IL17RE: variants seen among roughly 807,000 people sequenced by gnomAD.
IL17RE encodes the protein interleukin-17 receptor E.
A neutral mutation model predicts 70.7 loss-of-function variants in IL17RE; 47 were observed. The observed-to-expected ratio is 0.67, with a 90% CI of 0.53 to 0.85. The LOEUF is 0.85. IL17RE is among the 40% of genes least tolerant of loss of function. The pLI is 0.00. For missense variants in IL17RE, 850 were observed against 893.9 expected (o/e 0.95, Z 0.63); for synonymous variants, 372 against 381.2 (o/e 0.98, Z 0.28).
At chr3:9,903,539 G>A (rs1161660612) in intron 2 of IL17RE, 127 bp downstream of exon 2, 1 of 1,023,006 alleles carries the variant, frequency 9.8e-7, no homozygotes, top group Non-Finnish European at 1.5e-6. Flanking sequence ...GAAAAATTTG[G>A]AATCATGACA....
In IL17RE at chr3:9,906,476, A is replaced by G; in HGVS notation, c.366+15A>G. On this transcript the variant is annotated intron_variant, in intron 4 of 15. Coordinates refer to ENST00000383814, the MANE Select transcript of IL17RE (RefSeq NM_153480.2). ...CACCTGCTCAGGTACTCTCCCTGTC[A>G]GTTCCAGCCCTACCTGACGCCCCAC... The G allele has an allele frequency of 6.3e-7, 1 of 1,580,870 alleles. No homozygotes were observed. Among genetic ancestry groups the G allele is most frequent in the Admixed American group, 1.7e-5 (1 of 59,940 alleles).
At chr3:9,903,523 A>T (rs148627252) in intron 2 of IL17RE, 111 bp downstream of exon 2, 3 of 1,204,152 alleles carry the variant, frequency 2.5e-6, no homozygotes, top group African/African-American at 3.0e-5. Context: ...GTAGCACAAT[A>T]TCAAGGAAAA....
intron 3 of IL17RE, among the ~76,000 whole-genome samples, chr3:9,905,745 A>G (rs1394885497): frequency 6.6e-6 from 1 of 151,878 alleles, no homozygotes; most frequent in Admixed American, 6.6e-5. Context: ...GCTTGAAGCC[A>G]GGAGGCGGAG....
Position 9,907,017 on chromosome 3 carries a change from TC to T in IL17RE, c.584del (p.Ser195PhefsTer21). 1 of 1,614,064 alleles carries T rather than the reference TC, an allele frequency of 6.2e-7. No individual in the cohort carries two copies. ...PEARAIRVTI[S>X]SGPEVSVRLC... Reference sequence around the variant, plus strand: ...GGCCCGGGCTATTCGGGTGACCATATCTTCAGGCCCTGAGGTCAGCGTGCGT... The same window carrying T: ...GGCCCGGGCTATTCGGGTGACCATATTTCAGGCCCTGAGGTCAGCGTGCGT... On this transcript the variant is annotated frameshift_variant, in exon 6 of 16. Coordinates refer to ENST00000383814, the MANE Select transcript of IL17RE (RefSeq NM_153480.2). LOFTEE classifies it high-confidence loss of function.
upstream of IL17RE, among the ~76,000 whole-genome samples, chr3:9,902,242 C>T (rs1217239146): frequency 1.3e-5 from 2 of 152,120 alleles, no homozygotes; most frequent in Non-Finnish European, 2.9e-5. Flanking sequence ...TCTGGGGCTT[C>T]CTGAGCAGGG....
At chr3:9,914,086 C>A in intron 13 of IL17RE, 62 bp downstream of exon 13, 1 of 1,321,294 alleles carries the variant, frequency 7.6e-7, no homozygotes, top group South Asian at 1.2e-5. Flanking sequence ...TAGTGGCACC[C>A]ACCCCTGGAA....
rs1383830480 is a variant in IL17RE at position 9,906,507 on chromosome 3, T to G, written c.366+46T>G. ...AGCCCTACCTGACGCCCCACAGACCTTTGCTTTCTGGCCTCTCATTTGGTT... is the reference window on the plus strand; with the variant it reads ...AGCCCTACCTGACGCCCCACAGACCGTTGCTTTCTGGCCTCTCATTTGGTT... On this transcript the variant is annotated intron_variant, in intron 4 of 15. Coordinates refer to ENST00000383814, the MANE Select transcript of IL17RE (RefSeq NM_153480.2). The G allele has an allele frequency of 2.0e-6, 3 of 1,476,732 alleles. No individual in the cohort carries two copies. The African/African-American group carries it at 4.2e-5, about 21-fold the overall frequency. 91.5% of individuals were successfully genotyped at this position (1,476,732 alleles called of 1,614,324 possible).
chr3:9,911,375 C>T (rs961468282), intron 11 of IL17RE, 68 bp from the exon 12 acceptor site: 8 of 1,612,618 alleles, frequency 5.0e-6, no homozygotes, highest in Non-Finnish European at 6.8e-6. Flanking sequence ...AAGCTAAACC[C>T]CAGCCCAGCC....
rs866770095 is a variant in IL17RE at position 9,916,027 on chromosome 3, C to T, written c.*220C>T. 8 of 722,626 alleles carry T rather than the reference C, an allele frequency of 1.1e-5. No individual in the cohort carries two copies. In the East Asian group the frequency reaches 2.8e-4, roughly 25 times the overall value. The allele number at this position is 722,626 out of a possible 1,614,324, so 44.8% of individuals were successfully genotyped here. A position where few individuals can be genotyped will look rare whatever the true frequency, so the allele number is the denominator to read the frequency against. On this transcript the variant is annotated 3_prime_UTR_variant, in exon 16 of 16. Coordinates refer to ENST00000383814, the MANE Select transcript of IL17RE (RefSeq NM_153480.2). ...TCCCTTGACTGAGAGCTCCTCTAAC[C>T]CCTGTTCTGATGGGGGAGGGCGGTC...
At position 9,915,996 on chromosome 3, in the gene IL17RE, A is replaced by G. The variant is rs1222917692; in HGVS notation, c.*189A>G. The stretch of plus-strand genomic sequence containing the variant: ...CCCGCGCGCGTCCCTCTTCCTCCTC[A>G]TACTTTCCCTTGACTGAGAGCTCCT... On this transcript the variant is annotated 3_prime_UTR_variant, in exon 16 of 16. Coordinates refer to ENST00000383814, the MANE Select transcript of IL17RE (RefSeq NM_153480.2). The surrounding 1 kb of genome is among the most constrained non-coding windows in gnomAD (Gnocchi z 4.9). 1 of 1,052,588 alleles carries G rather than the reference A, an allele frequency of 9.5e-7. No homozygotes were observed. Among genetic ancestry groups the G allele is most frequent in the Non-Finnish European group, 1.3e-6 (1 of 796,248 alleles). 65.2% of individuals were successfully genotyped at this position (1,052,588 alleles called of 1,614,324 possible). A position where few individuals can be genotyped will look rare whatever the true frequency, so the allele number is the denominator to read the frequency against.
intron 7 of IL17RE, 123 bp from the exon 8 acceptor site, chr3:9,909,094 T>C: frequency 1.4e-6 from 1 of 722,318 alleles, no homozygotes. Context: ...TCCTGCTCGG[T>C]CAGTGCCTGG....
Position 9,906,751 on chromosome 3 carries a change from A to G in IL17RE, c.412A>G (p.Ile138Val). 6.2e-7 allele frequency: 1 copy of G among 1,614,138 alleles called. No individual in the cohort carries two copies. Among genetic ancestry groups the G allele is most frequent in the Non-Finnish European group, 8.5e-7 (1 of 1,180,014 alleles). ...TCACCTGTCTGAGAAGAGCCATCAC[A>G]TTTCCATCCCCTCCCCAGACATCTC... The part of the protein sequence containing the change: ...RRHLSEKSHH[I>V]SIPSPDISHK... Residue 138 changes from isoleucine (I) to valine (V), a missense_variant, in exon 5 of 16, where the codon ATT becomes GTT. By Grantham distance (29) the Ile-to-Val change is conservative (BLOSUM62 3). Coordinates refer to ENST00000383814, the MANE Select transcript of IL17RE (RefSeq NM_153480.2).
At chr3:9,906,530 G>T (rs1439674854) in intron 4 of IL17RE, 69 bp downstream of exon 4, 1 of 1,404,188 alleles carries the variant, frequency 7.1e-7, no homozygotes, top group Non-Finnish European at 1.0e-6. Flanking sequence ...CTCTCATTTG[G>T]TTCTCCAGCC....
intron 6 of IL17RE, 103 bp downstream of exon 6, chr3:9,907,203 A>T: frequency 6.8e-7 from 1 of 1,460,160 alleles, no homozygotes; most frequent in Non-Finnish European, 9.4e-7. Context: ...GAGGGATGGT[A>T]ACTGTCCAAG....
chr3:9,915,486 C>T lies in IL17RE; in HGVS notation c.1683C>T (p.Gly561=), dbSNP rs1201358916. 6.8e-6 allele frequency: 9 copies of T among 1,314,202 alleles called. No individual in the cohort carries two copies. The highest frequency in any genetic ancestry group is 3.1e-5 in the East Asian group (1 of 31,952). 81.4% of individuals were successfully genotyped at this position (1,314,202 alleles called of 1,614,324 possible). A position where few individuals can be genotyped will look rare whatever the true frequency, so the allele number is the denominator to read the frequency against. ...EQGTVLLLWS[G]ADLRPVSGPD... ...GCACTGTGCTGCTGCTGTGGAGCGGCGCCGACCTTCGCCCGGTCAGCGGCC... is the reference window on the plus strand; with the variant it reads ...GCACTGTGCTGCTGCTGTGGAGCGGTGCCGACCTTCGCCCGGTCAGCGGCC... Residue 561 remains glycine, a synonymous_variant, in exon 16 of 16, where the codon GGC becomes GGT. Transcript: ENST00000383814. This position sits in a 1 kb window ranked among gnomAD's most constrained non-coding sequence, Gnocchi z 4.9.
chr3:9,902,726 T>A (rs983850443), upstream of IL17RE: 48 of 1,534,762 alleles, frequency 3.1e-5, no homozygotes, highest in Non-Finnish European at 4.1e-5. Flanking sequence ...GGGCACAAGC[T>A]TTCCTCAGTC....
intron 12 of IL17RE, among the ~76,000 whole-genome samples, chr3:9,913,245 A>G (rs2082934777): frequency 6.6e-6 from 1 of 152,018 alleles, no homozygotes; most frequent in African/African-American, 2.4e-5. Flanking sequence ...CTCTACTAAA[A>G]ATACAAAAAT....
intron 9 of IL17RE, 35 bp from the exon 10 acceptor site, chr3:9,911,092 T>C: frequency 6.2e-7 from 1 of 1,614,050 alleles, no homozygotes; most frequent in East Asian, 2.2e-5. Context: ...GGCCCAGGAA[T>C]TTTCTCCCTG....
At chr3:9,908,054 A>C (rs2082801817) in intron 6 of IL17RE, among the ~76,000 whole-genome samples, 185 bp from the exon 7 acceptor site, 1 of 152,198 alleles carries the variant, frequency 6.6e-6, no homozygotes. Context: ...CACCTAGAGC[A>C]CCTAGAGCTA....
Sources: gnomAD v4.1 joint callset for allele counts (sites outside exome capture counted in the v4.1 genomes callset) on GRCh38, gnomAD v4.1.1 for gene constraint, Gnocchi (gnomAD v3.1) non-coding constraint, MANE v1.5 for transcripts, NCBI Gene and HGNC (gene_info 2026-07-23, HGNC 2026-07-21) for gene names.